Variants in SAMD12 observed in about 807,000 individuals in gnomAD.
SAMD12 encodes the protein sterile alpha motif domain-containing protein 12.
A neutral mutation model predicts 15.0 loss-of-function variants in SAMD12; 9 were observed. The observed-to-expected ratio is 0.60, with a 90% CI of 0.36 to 1.05. SAMD12 has a LOEUF of 1.05. SAMD12 is among the 50% of genes least tolerant of loss of function. The pLI is 0.01. For missense variants in SAMD12, 230 were observed against 234.2 expected (o/e 0.98, Z 0.12); for synonymous variants, 86 against 90.1 (o/e 0.96, Z 0.25).
At position 118,576,003 on chromosome 8, in the gene SAMD12, T is replaced by TA. The variant is rs1827139099; in HGVS notation, c.192+4711dup. Among the ~76,000 whole-genome samples, 3 of 151,784 alleles carry TA rather than the reference T, an allele frequency of 2.0e-5. No individual in the cohort carries two copies. In the South Asian group the frequency reaches 6.2e-4, roughly 31 times the overall value. On this transcript the variant is annotated intron_variant, in intron 2 of 3. Coordinates refer to ENST00000314727, the MANE Select transcript of SAMD12 (RefSeq NM_207506.3). ...CCTGAGTATTTCGACTTTTTTTTTT[T>TA]AAATGACTGAAGTCCTTGTCCACTC...
chr8:118,490,860 G>C (rs1002067241), intron 2 of SAMD12, among the ~76,000 whole-genome samples: 4 of 152,064 alleles, frequency 2.6e-5, no homozygotes, highest in African/African-American at 9.7e-5. Context: ...AGAGCTGCAA[G>C]TGAGGCTGGG....
intron 4 of SAMD12, among the ~76,000 whole-genome samples, chr8:118,311,528 CAT>C (rs1472694016): frequency 6.6e-6 from 1 of 152,162 alleles, no homozygotes; most frequent in Admixed American, 6.6e-5. Flanking sequence ...ATCTCTGTAA[CAT>C]ATAGTTATGC....
chr8:118,169,200 A>G, the SAMD12 span, among the ~76,000 whole-genome samples: 2 of 152,204 alleles, frequency 1.3e-5, no homozygotes, highest in Admixed American at 6.5e-5. Flanking sequence ...TGAATCTAAA[A>G]TAAAAGTTGA....
intron 1 of SAMD12, among the ~76,000 whole-genome samples, chr8:118,586,502 C>T (rs1827447641): frequency 6.6e-6 from 1 of 151,906 alleles, no homozygotes; most frequent in Non-Finnish European, 1.5e-5. Context: ...ACCACCACAC[C>T]CAGCTAATTT....
chr8:118,457,421 G>A (rs1184313145), intron 2 of SAMD12, among the ~76,000 whole-genome samples: 1 of 151,402 alleles, frequency 6.6e-6, no homozygotes. Flanking sequence ...AATAGAGACA[G>A]GGTCTCACTA....
chr8:118,249,549 T>C (rs182098078), intron 4 of SAMD12, among the ~76,000 whole-genome samples: 77 of 152,312 alleles, frequency 5.1e-4, no homozygotes, highest in African/African-American at 1.7e-3. Context: ...TATGTACGTA[T>C]GCATCACACA....
rs572478268 is a variant in SAMD12, at chr8:118,445,308, C to T, written c.193-5347G>A. Among the ~76,000 whole-genome samples the T allele has an allele frequency of 5.2e-4, 79 of 152,286 alleles. No homozygotes were observed. The Middle Eastern group carries it at 0.014, about 26-fold the overall frequency. ...ATATGAATTAATTAATTTTAAAGTA[C>T]TAATAATGTCTTCTTCTGTCACCTT... is the stretch of plus-strand genomic sequence containing the variant. On this transcript the variant is annotated intron_variant, in intron 2 of 3. Coordinates refer to ENST00000314727, the MANE Select transcript of SAMD12 (RefSeq NM_207506.3).
chr8:118,592,274 T>C (rs1025105306), intron 1 of SAMD12, among the ~76,000 whole-genome samples: 1 of 151,586 alleles, frequency 6.6e-6, no homozygotes, highest in Non-Finnish European at 1.5e-5. Context: ...TGAGCCGAGA[T>C]GCCAAAAAAA....
At chr8:118,609,427 C>T (rs975727329) in intron 1 of SAMD12, among the ~76,000 whole-genome samples, 1 of 152,146 alleles carries the variant, frequency 6.6e-6, no homozygotes, top group Non-Finnish European at 1.5e-5. Flanking sequence ...TGGGCTTAAC[C>T]GAAGATTAGG....
chr8:118,214,530 T>G (rs907365276), intron 4 of SAMD12, among the ~76,000 whole-genome samples: 27 of 152,246 alleles, frequency 1.8e-4, no homozygotes, highest in African/African-American at 6.0e-4. Flanking sequence ...TAAGGAAATA[T>G]ATCTATATCT....
chr8:118,265,845 T>C (rs1021837830), intron 4 of SAMD12, among the ~76,000 whole-genome samples: 3 of 151,826 alleles, frequency 2.0e-5, no homozygotes, highest in Non-Finnish European at 2.9e-5. Flanking sequence ...AGTCACATGA[T>C]TGAAAAAAAG....
At chr8:118,594,752 T>C (rs78922241) in intron 1 of SAMD12, among the ~76,000 whole-genome samples, 5,494 of 152,138 alleles carry the variant, frequency 0.036, 120 homozygotes, top group African/African-American at 0.059. Context: ...CCAATAAATG[T>C]TTAAAGCAGG....
chr8:118,430,397 T>A (rs1822364545), intron 3 of SAMD12, among the ~76,000 whole-genome samples: 1 of 151,010 alleles, frequency 6.6e-6, no homozygotes, highest in South Asian at 2.1e-4. Context: ...GGAGTCTCGC[T>A]CTGTTGCCAG....
At chr8:118,153,154 A>G in the SAMD12 span, among the ~76,000 whole-genome samples, 1 of 152,206 alleles carries the variant, frequency 6.6e-6, no homozygotes, top group Non-Finnish European at 1.5e-5. Context: ...TCAGTGCCAT[A>G]AAATAATTAT....
At chr8:118,400,093 C>A (rs1388852789) in intron 3 of SAMD12, among the ~76,000 whole-genome samples, 1 of 152,180 alleles carries the variant, frequency 6.6e-6, no homozygotes, top group Non-Finnish European at 1.5e-5. Flanking sequence ...TACTTGAGCA[C>A]CATGTAAATC....
intron 2 of SAMD12, among the ~76,000 whole-genome samples, chr8:118,462,108 A>G (rs949967881): frequency 1.3e-5 from 2 of 152,312 alleles, no homozygotes; most frequent in African/African-American, 4.8e-5. Context: ...CTATAGTCCC[A>G]TGTCTGTTCC....
chr8:118,256,878 T>C (rs774335337), intron 4 of SAMD12, among the ~76,000 whole-genome samples: 21 of 151,864 alleles, frequency 1.4e-4, no homozygotes, highest in Non-Finnish European at 2.4e-4. Flanking sequence ...TAGGATACTT[T>C]GGATTCAAGC....
rs527886411 is a variant in SAMD12 at position 118,475,815 on chromosome 8, A to AT, written c.193-35855dup. 1.2e-3 allele frequency among the ~76,000 whole-genome samples: 177 copies of AT among 152,254 alleles called. No homozygotes were observed. In the Middle Eastern group the frequency reaches 0.02, roughly 18 times the overall value. ...TAAGATCCATTAGCGTCACCATGTA[A>AT]TTTTTTCCTTCTTTGCAGGAGAAGC... On this transcript the variant is annotated intron_variant, in intron 2 of 3. Transcript: ENST00000314727.
At chr8:118,365,695 T>C (rs1200370630) in intron 4 of SAMD12, among the ~76,000 whole-genome samples, 2 of 152,218 alleles carry the variant, frequency 1.3e-5, no homozygotes, top group Non-Finnish European at 2.9e-5. Context: ...ATTCCCATAA[T>C]AAATCTCCTC....
Sources: gnomAD v4.1 joint callset for allele counts (sites outside exome capture counted in the v4.1 genomes callset) on GRCh38, gnomAD v4.1.1 for gene constraint, MANE v1.5 for transcripts, NCBI Gene and HGNC (gene_info 2026-07-23, HGNC 2026-07-21) for gene names.